HIBADH: variants seen among roughly 807,000 people sequenced by gnomAD.
HIBADH encodes the protein 3-hydroxyisobutyrate dehydrogenase, mitochondrial.
Under a neutral mutation model 36.1 loss-of-function variants are expected in HIBADH, and 25 were observed. The ratio of observed to expected loss-of-function variants is 0.69; its 90% CI spans 0.50 to 0.97. The LOEUF (loss-of-function observed/expected upper bound fraction) is 0.97, where lower values mean the gene tolerates loss of function less well. Ranked by LOEUF, HIBADH falls within the 50% of genes least tolerant of loss-of-function variation. The pLI, the probability that HIBADH is intolerant of heterozygous loss-of-function variation, is 0.00. For missense variants in HIBADH, 421 were observed against 418.0 expected (o/e 1.01, Z -0.06); for synonymous variants, 160 against 149.5 (o/e 1.07, Z -0.51).
intron 4 of HIBADH, among the ~76,000 whole-genome samples, chr7:27,594,636 T>C (rs953252878): frequency 6.6e-5 from 10 of 152,170 alleles, no homozygotes; most frequent in Admixed American, 3.3e-4. Context: ...TCATGTCTCT[T>C]TGGAACAATA....
At chr7:27,556,315 T>C (rs1200134320) in intron 4 of HIBADH, among the ~76,000 whole-genome samples, 1 of 152,206 alleles carries the variant, frequency 6.6e-6, no homozygotes, top group Non-Finnish European at 1.5e-5. Flanking sequence ...CTTGGTCTTT[T>C]TCTTGTTAAT....
At chr7:27,587,328 A>G (rs1784880218) in intron 4 of HIBADH, among the ~76,000 whole-genome samples, 1 of 152,162 alleles carries the variant, frequency 6.6e-6, no homozygotes, top group South Asian at 2.1e-4. Flanking sequence ...TCAGACATGA[A>G]GTGGTGTTAA....
chr7:27,566,469 A>G (rs556730891), intron 4 of HIBADH, among the ~76,000 whole-genome samples: 1 of 151,618 alleles, frequency 6.6e-6, no homozygotes, highest in African/African-American at 2.4e-5. Flanking sequence ...TTTGTGTCTT[A>G]TTTTTTGGTT....
chr7:27,562,686 G>A (rs1583570685), intron 4 of HIBADH, among the ~76,000 whole-genome samples: 1 of 152,166 alleles, frequency 6.6e-6, no homozygotes. Flanking sequence ...TCAAACTTCC[G>A]GGATCAAGTG....
chr7:27,612,613 G>A (rs62454872), intron 4 of HIBADH, among the ~76,000 whole-genome samples: 31,322 of 150,656 alleles, frequency 0.21, 4,168 homozygotes, highest in East Asian at 0.54. Flanking sequence ...ATGAGCCACC[G>A]CGCCCAGCCT....
intron 4 of HIBADH, among the ~76,000 whole-genome samples, chr7:27,615,152 G>A (rs577548912): frequency 3.9e-5 from 6 of 152,228 alleles, no homozygotes; most frequent in Admixed American, 1.3e-4. Flanking sequence ...AGCAGTTGCC[G>A]GGGTAAATAA....
intron 4 of HIBADH, among the ~76,000 whole-genome samples, chr7:27,618,639 G>C (rs1785477761): frequency 6.6e-6 from 1 of 152,200 alleles, no homozygotes; most frequent in Non-Finnish European, 1.5e-5. Flanking sequence ...CAGCATGTAT[G>C]AGGCTGTTCT....
intron 4 of HIBADH, among the ~76,000 whole-genome samples, chr7:27,591,802 G>A (rs1238619151): frequency 1.3e-5 from 2 of 152,090 alleles, no homozygotes; most frequent in African/African-American, 2.4e-5. Context: ...GGAGTTGTGG[G>A]CTTCTAAAAT....
At chr7:27,618,646 T>C (rs1785477824) in intron 4 of HIBADH, among the ~76,000 whole-genome samples, 1 of 152,118 alleles carries the variant, frequency 6.6e-6, no homozygotes, top group Non-Finnish European at 1.5e-5. Flanking sequence ...TATGAGGCTG[T>C]TCTTGCATTG....
At chr7:27,632,127 C>G (rs1436590738) in intron 3 of HIBADH, among the ~76,000 whole-genome samples, 3 of 151,938 alleles carry the variant, frequency 2.0e-5, no homozygotes, top group African/African-American at 4.8e-5. Context: ...AGAAACGGAA[C>G]CAAAAAATTT....
At chr7:27,543,279 A>G (rs1309758699) in intron 4 of HIBADH, among the ~76,000 whole-genome samples, 179 bp from the exon 5 acceptor site, 1 of 152,228 alleles carries the variant, frequency 6.6e-6, no homozygotes, top group East Asian at 1.9e-4. Flanking sequence ...AGTATCACCC[A>G]GATTAATCAC....
At chr7:27,549,522 A>G (rs1784286646) in intron 4 of HIBADH, among the ~76,000 whole-genome samples, 2 of 152,212 alleles carry the variant, frequency 1.3e-5, no homozygotes, top group Admixed American at 1.3e-4. Flanking sequence ...GGGAAACTCT[A>G]TTTGAGAGCA....
chr7:27,568,636 A>T (rs915369394), intron 4 of HIBADH, among the ~76,000 whole-genome samples: 8 of 151,406 alleles, frequency 5.3e-5, no homozygotes, highest in African/African-American at 1.7e-4. Context: ...TTTTTTTTAA[A>T]TTTTTTTGTA....
At chr7:27,596,443 T>C (rs1335340853) in intron 4 of HIBADH, among the ~76,000 whole-genome samples, 4 of 152,178 alleles carry the variant, frequency 2.6e-5, no homozygotes, top group Admixed American at 1.3e-4. Context: ...TCTCCTACAT[T>C]GTTGGTGGAA....
intron 2 of HIBADH, 192 bp downstream of exon 2, chr7:27,649,281 C>T (rs1485549711): frequency 2.3e-6 from 1 of 442,372 alleles, no homozygotes; most frequent in African/African-American, 2.0e-5. Flanking sequence ...AATAGATACC[C>T]CTGAATGTCT....
chr7:27,531,352 T>C lies in HIBADH; in HGVS notation c.696-4A>G. ...TAGTTTTGGGTCAAGCCCTAACCTG[T>C]CAAAGGTCAAAGAAAAGAAGTGTTA... On this transcript the variant is annotated splice_region_variant and splice_polypyrimidine_tract_variant and intron_variant, in intron 6 of 7. Transcript: ENST00000265395. 6.3e-7 allele frequency: 1 copy of C among 1,599,784 alleles called. No homozygotes were observed. Among genetic ancestry groups the C allele is most frequent in the Non-Finnish European group, 8.5e-7 (1 of 1,171,604 alleles).
At chr7:27,595,315 G>A (rs571283763) in intron 4 of HIBADH, among the ~76,000 whole-genome samples, 7 of 152,196 alleles carry the variant, frequency 4.6e-5, no homozygotes, top group African/African-American at 1.4e-4. Flanking sequence ...ACAGGAGTTC[G>A]AGACCAGCCT....
intron 4 of HIBADH, among the ~76,000 whole-genome samples, chr7:27,575,962 C>G (rs1784703074): frequency 6.6e-6 from 1 of 152,068 alleles, no homozygotes; most frequent in African/African-American, 2.4e-5. Context: ...AGTTGCCCAC[C>G]CTAGGATTAC....
intron 2 of HIBADH, among the ~76,000 whole-genome samples, chr7:27,635,155 T>C (rs902318766): frequency 1.3e-4 from 19 of 151,920 alleles, no homozygotes; most frequent in African/African-American, 4.1e-4. Flanking sequence ...TACAAAGGCA[T>C]GTTTATCAGA....
Sources: gnomAD v4.1 joint callset for allele counts (sites outside exome capture counted in the v4.1 genomes callset) on GRCh38, gnomAD v4.1.1 for gene constraint, MANE v1.5 for transcripts, NCBI Gene and HGNC (gene_info 2026-07-23, HGNC 2026-07-21) for gene names.